The following KRR1 variants were observed in gnomAD, a reference collection of about 807,000 sequenced individuals.
KRR1 encodes the protein KRR1 small subunit processome component, also known as KRR1 small subunit processome component homolog.
A neutral mutation model predicts 50.0 loss-of-function variants in KRR1; 23 were observed. The ratio of observed to expected loss-of-function variants is 0.46; its 90% CI spans 0.33 to 0.65. The LOEUF is 0.65. Among genes scored for constraint, KRR1 ranks in the 30% least tolerant of loss-of-function variants. The pLI, the probability that KRR1 is intolerant of heterozygous loss-of-function variation, is 0.02. For synonymous variants in KRR1, 133 were observed against 146.3 expected, an observed-to-expected ratio of 0.91 and a Z score of 0.66; for missense variants, 419 against 442.4, an observed-to-expected ratio of 0.95 and a Z score of 0.47.
Position 75,506,616 on chromosome 12 carries a change from C to CA in KRR1, c.394-8dup, listed in dbSNP as rs35071517. On this transcript the variant is annotated splice_polypyrimidine_tract_variant and splice_region_variant and intron_variant, in intron 3 of 9. Transcript: ENST00000229214. The stretch of plus-strand genomic sequence containing the variant: ...CCTGAAGAATTCGTACTGCCTTTTG[C>CA]AAAAAAAAAAAAAAAAAGAAGACAT... 233,304 of 1,332,340 alleles carry CA rather than the reference C, an allele frequency of 0.18. 4,241 individuals are homozygous for CA. Among genetic ancestry groups the CA allele is most frequent in the African/African-American group, 0.25 (14,613 of 58,386 alleles). The allele number at this position is 1,332,340 out of a possible 1,614,324, so 82.5% of individuals were successfully genotyped here.
At chr12:75,511,137 T>C (rs1342650720) in intron 1 of KRR1, among the ~76,000 whole-genome samples, 1 of 152,200 alleles carries the variant, frequency 6.6e-6, no homozygotes, top group African/African-American at 2.4e-5. Flanking sequence ...GGGTCCACTC[T>C]TGTATATCAT....
chr12:75,501,688 A>G, intron 9 of KRR1, 35 bp downstream of exon 9: 1 of 1,371,488 alleles, frequency 7.3e-7, no homozygotes, highest in Non-Finnish European at 1.0e-6. Flanking sequence ...ACTTTTCCTA[A>G]TTAATAAAGA....
rs1161802891 is a variant in KRR1 at position 75,492,579 on chromosome 12, GTATT to G, written c.*7226_*7229del. 6.6e-6 allele frequency: 1 copy of G among 152,150 alleles called. No individual in the cohort carries two copies. The highest frequency in any genetic ancestry group is 2.4e-5 in the African/African-American group (1 of 41,432). 9.4% of individuals were successfully genotyped at this position (152,150 alleles called of 1,614,324 possible). A position where few individuals can be genotyped will look rare whatever the true frequency, so the allele number is the denominator to read the frequency against. Reference sequence around the variant, plus strand: ...CTTGGCAATAGTGAATGTTTTGTAAGTATTCATGATTTTTATTCATTAAAGTATA... The same window carrying G: ...CTTGGCAATAGTGAATGTTTTGTAAGCATGATTTTTATTCATTAAAGTATA... On this transcript the variant is annotated 3_prime_UTR_variant, in exon 10 of 10. Coordinates refer to ENST00000229214, the MANE Select transcript of KRR1 (RefSeq NM_007043.7).
intron 8 of KRR1, 52 bp from the exon 9 acceptor site, chr12:75,501,868 A>ATTCAAGTATC (rs752217051): frequency 6.3e-7 from 1 of 1,580,748 alleles, no homozygotes; most frequent in African/African-American, 1.4e-5. Flanking sequence ...TAGTTAAATA[A>ATTCAAGTATC]TTCAAGTATC....
chr12:75,506,151 T>C, intron 5 of KRR1, 165 bp downstream of exon 5: 4 of 530,700 alleles, frequency 7.5e-6, no homozygotes, highest in Non-Finnish European at 1.3e-5. Context: ...AGGGTCCAGA[T>C]ATGATGATTC....
Position 75,497,270 on chromosome 12 carries a change from T to C in KRR1, c.*2539A>G, listed in dbSNP as rs1032007302. 2.6e-5 allele frequency: 4 copies of C among 152,234 alleles called. No homozygotes were observed. Among genetic ancestry groups the C allele is most frequent in the Non-Finnish European group, 5.9e-5 (4 of 68,036 alleles). 9.4% of individuals were successfully genotyped at this position (152,234 alleles called of 1,614,324 possible). On this transcript the variant is annotated 3_prime_UTR_variant, in exon 10 of 10. Transcript: ENST00000229214. ...CCACAATGACAAAAATACTTCTGGT[T>C]TTAGCTTTTGATCTTTGGTGATCTA...
In KRR1 at chr12:75,511,183, C is replaced by T. The variant is rs904950918; in HGVS notation, c.85+330G>A. ...TCCCACCTCACCCTATTCCTCATTC[C>T]GTCAGTGACTTTCAGCCACCCGCAG... On this transcript the variant is annotated intron_variant, in intron 1 of 9. Coordinates refer to ENST00000229214, the MANE Select transcript of KRR1 (RefSeq NM_007043.7). 3.3e-5 allele frequency among the ~76,000 whole-genome samples: 5 copies of T among 152,304 alleles called. No homozygotes were observed. In the East Asian group the frequency reaches 5.8e-4, roughly 18 times the overall value.
Position 75,504,078 on chromosome 12 carries a change from T to TA in KRR1, c.661-5dup. 6.3e-7 allele frequency: 1 copy of TA among 1,590,446 alleles called. No individual in the cohort carries two copies. The highest frequency in any genetic ancestry group is 1.1e-5 in the South Asian group (1 of 87,306). Reference sequence around the variant, plus strand: ...ACTCTCTCTTAATCATTAAGCTCTTTAGTCATGCAACAAAGTAAAAATTTT... The same window carrying TA: ...ACTCTCTCTTAATCATTAAGCTCTTTAAGTCATGCAACAAAGTAAAAATTTT... On this transcript the variant is annotated splice_polypyrimidine_tract_variant and splice_region_variant and intron_variant, in intron 6 of 9. Transcript: ENST00000229214.
At chr12:75,509,494 A>T (rs1396003839) in intron 1 of KRR1, among the ~76,000 whole-genome samples, 1 of 152,120 alleles carries the variant, frequency 6.6e-6, no homozygotes, top group African/African-American at 2.4e-5. Flanking sequence ...CAAATCACAG[A>T]CAATTGGCTA....
At chr12:75,507,063 A>G in intron 2 of KRR1, 147 bp from the exon 3 acceptor site, 1 of 600,096 alleles carries the variant, frequency 1.7e-6, no homozygotes, top group African/African-American at 1.9e-5. Context: ...GTTAAGTATA[A>G]ATAATGAATA....
rs1400299484 is a variant in KRR1 at position 75,504,045 on chromosome 12, T to C, written c.690A>G (p.Lys230=). 2 of 1,611,828 alleles carry C rather than the reference T, an allele frequency of 1.2e-6. No homozygotes were observed. The highest frequency in any genetic ancestry group is 1.1e-5 in the South Asian group (1 of 90,874). ...AACTTTGTGATCGTAATTCAGAATC[T>C]TTTGCCAACTCTCTCTTAATCATTA... ...KSLMIKRELA[K]DSELRSQSWE... Residue 230 remains lysine (K), a synonymous_variant, in exon 7 of 10, where the codon AAA becomes AAG. Transcript: ENST00000229214.
Position 75,499,942 on chromosome 12 carries a change from T to G in KRR1, c.1013A>C (p.Glu338Ala), listed in dbSNP as rs1212848424. 2.5e-6 allele frequency: 4 copies of G among 1,599,976 alleles called. No homozygotes were observed. The highest frequency in any genetic ancestry group is 2.7e-5 in the African/African-American group (2 of 73,922). ...GATGCTGGCCACATCAATTTTAGTT[T>G]CAGTAGAAGCTAGACAAATTAAAAG... ...PIVKPKEASTETKIDVASIKE... is the reference protein window; with the variant it reads ...PIVKPKEASTATKIDVASIKE... The change falls in exon 10 of 10, where the codon GAA becomes GCA. Residue 338 changes from glutamate to alanine, a missense_variant. Glu to Ala is a moderately radical substitution (Grantham distance 107). Transcript: ENST00000229214.
In KRR1 at chr12:75,499,694, C is replaced by G; in HGVS notation, c.*115G>C. 1 of 608,710 alleles carries G rather than the reference C, an allele frequency of 1.6e-6. No homozygotes were observed. The highest frequency in any genetic ancestry group is 2.6e-6 in the Non-Finnish European group (1 of 379,722). The allele number at this position is 608,710 out of a possible 1,614,324, so 37.7% of individuals were successfully genotyped here. A position where few individuals can be genotyped will look rare whatever the true frequency, so the allele number is the denominator to read the frequency against. Reference sequence around the variant, plus strand: ...AACACTCTTCTATGAACAACCACCACCACCAAAAAAAAAAAAAGCCCTCAG... The same window carrying G: ...AACACTCTTCTATGAACAACCACCAGCACCAAAAAAAAAAAAAGCCCTCAG... On this transcript the variant is annotated 3_prime_UTR_variant, in exon 10 of 10. Transcript: ENST00000229214.
In KRR1 at chr12:75,499,870, G is replaced by T. The variant is rs760760484; in HGVS notation, c.1085C>A (p.Thr362Lys). ...CATCTTAAGTGCAATTTCTTCAGCT[G>T]TAAGAGCTCCCAGTTTCTTATTCTT... ...KAKNKKLGAL[T>K]AEEIALKMEA... Residue 362 changes from threonine (T) to lysine (K), a missense_variant, in exon 10 of 10, where the codon ACA (threonine) becomes AAA (lysine). By Grantham distance (78) the Thr-to-Lys change is moderately conservative (BLOSUM62 -1). Transcript: ENST00000229214. 4 of 1,608,690 alleles carry T rather than the reference G, an allele frequency of 2.5e-6. No individual in the cohort carries two copies. The highest frequency in any genetic ancestry group is 3.4e-6 in the Non-Finnish European group (4 of 1,177,648).
chr12:75,500,744 TA>T (rs2046388005), intron 9 of KRR1: 1 of 151,954 alleles, frequency 6.6e-6, no homozygotes, highest in South Asian at 2.1e-4. Flanking sequence ...GATCACAGCA[TA>T]AAAGAATCAT....
At chr12:75,501,314 C>T (rs934595294) in intron 9 of KRR1, 3 of 164,420 alleles carry the variant, frequency 1.8e-5, no homozygotes, top group Non-Finnish European at 4.0e-5. Flanking sequence ...TCCATGTTAC[C>T]GATATAGAAG....
At chr12:75,504,727 C>T (rs1457025921) in intron 6 of KRR1, among the ~76,000 whole-genome samples, 1 of 152,006 alleles carries the variant, frequency 6.6e-6, no homozygotes. Flanking sequence ...AATAATCAAA[C>T]TTTGTGCACA....
At chr12:75,511,153 C>A (rs904950630) in intron 1 of KRR1, among the ~76,000 whole-genome samples, 3 of 152,184 alleles carry the variant, frequency 2.0e-5, no homozygotes, top group African/African-American at 7.2e-5. Context: ...ATCATGACTA[C>A]CTATTCCCAC....
chr12:75,502,305 C>A (rs767975748), intron 7 of KRR1: 1 of 239,496 alleles, frequency 4.2e-6, no homozygotes, highest in Admixed American at 5.2e-5. Flanking sequence ...TTTGAAGAAG[C>A]TTCAATGGCA....
Sources: allele counts gnomAD v4.1 joint callset (sites outside exome capture counted in the v4.1 genomes callset), GRCh38; gene constraint gnomAD v4.1.1; transcripts MANE v1.5; gene names NCBI Gene and HGNC (gene_info 2026-07-23, HGNC 2026-07-21).